The following NEK11 variants were observed in gnomAD, a reference collection of about 807,000 sequenced individuals.
The protein encoded by NEK11 is serine/threonine-protein kinase Nek11.
Under a neutral mutation model 80.7 loss-of-function variants are expected in NEK11, and 72 were observed. That is an observed-to-expected ratio of 0.89 (90% CI 0.74 to 1.08). The LOEUF (loss-of-function observed/expected upper bound fraction) is 1.08, where lower values mean the gene tolerates loss of function less well. Ranked by LOEUF, NEK11 falls within the 50% of genes least tolerant of loss-of-function variation. NEK11 has a pLI of 0.00. For synonymous variants in NEK11, 251 were observed against 260.7 expected (o/e 0.96, Z 0.36); for missense variants, 764 against 763.6 (o/e 1.00, Z -0.01).
chr3:131,312,784 G>T (rs1470245005), intron 17 of NEK11, among the ~76,000 whole-genome samples: 2 of 151,984 alleles, frequency 1.3e-5, no homozygotes, highest in Non-Finnish European at 2.9e-5. Flanking sequence ...CAAATAGGAA[G>T]GCTAAAAATT....
intron 4 of NEK11, chr3:131,088,263 T>C (rs2076275652): frequency 6.6e-6 from 1 of 152,214 alleles, no homozygotes; most frequent in Non-Finnish European, 1.5e-5. Context: ...ACTGATCCAT[T>C]TGTGATTTTT....
At chr3:131,033,774 T>TTAAAA (rs2065226087) in intron 3 of NEK11, among the ~76,000 whole-genome samples, 1 of 152,208 alleles carries the variant, frequency 6.6e-6, no homozygotes, top group East Asian at 1.9e-4. Flanking sequence ...AGCTGTGAGA[T>TTAAAA]TAAAATAAAA....
intron 16 of NEK11, among the ~76,000 whole-genome samples, chr3:131,262,682 A>G (rs1315487110): frequency 1.3e-5 from 2 of 152,204 alleles, no homozygotes; most frequent in Non-Finnish European, 2.9e-5. Context: ...TTTGTATTAT[A>G]CTTTAAGATC....
At chr3:131,334,129 C>T (rs1237513752) in intron 17 of NEK11, among the ~76,000 whole-genome samples, 1 of 152,234 alleles carries the variant, frequency 6.6e-6, no homozygotes, top group African/African-American at 2.4e-5. Context: ...TAATAGACAT[C>T]TACAGAACTC....
At chr3:131,047,734 C>A (rs1490697953) in intron 3 of NEK11, among the ~76,000 whole-genome samples, 1 of 152,118 alleles carries the variant, frequency 6.6e-6, no homozygotes, top group Non-Finnish European at 1.5e-5. Flanking sequence ...GTTTATTGTA[C>A]TAGTTTTGTG....
intron 7 of NEK11, among the ~76,000 whole-genome samples, chr3:131,149,918 G>A (rs2089287181): frequency 6.6e-6 from 1 of 151,510 alleles, no homozygotes; most frequent in South Asian, 2.1e-4. Flanking sequence ...TTCTCAAATT[G>A]ACTTATACGG....
At chr3:131,349,424 G>T (rs1023177814) in intron 17 of NEK11, 133 bp from the exon 18 acceptor site, 2 of 678,242 alleles carry the variant, frequency 2.9e-6, no homozygotes, top group African/African-American at 3.6e-5. Context: ...TGGAGATATT[G>T]TGCCTTTTCT....
chr3:131,255,062 CA>C, intron 16 of NEK11, among the ~76,000 whole-genome samples: 1 of 135,200 alleles, frequency 7.4e-6, no homozygotes, highest in Non-Finnish European at 1.6e-5. Flanking sequence ...GACAGACAGA[CA>C]GACAGACAGA....
chr3:131,239,581 AG>A lies in NEK11; in HGVS notation c.1561-3854del, dbSNP rs1201502025. Among the ~76,000 whole-genome samples the A allele has an allele frequency of 2.0e-5, 3 of 152,166 alleles. No individual in the cohort carries two copies. In the East Asian group the frequency reaches 5.8e-4, roughly 29 times the overall value. On this transcript the variant is annotated intron_variant, in intron 15 of 17. Coordinates refer to ENST00000383366, the MANE Select transcript of NEK11 (RefSeq NM_024800.5). ...TGTTGATATGTGCCAAGCCTTCTCT[AG>A]ATATGCCTTCGGGAGTCAGTATAGC... is the stretch of plus-strand genomic sequence containing the variant.
intron 5 of NEK11, among the ~76,000 whole-genome samples, chr3:131,121,348 G>A (rs1239126399): frequency 1.3e-5 from 2 of 152,220 alleles, no homozygotes; most frequent in Non-Finnish European, 2.9e-5. Context: ...TCCTCTGGAA[G>A]CTTGGTCTCA....
intron 15 of NEK11, among the ~76,000 whole-genome samples, chr3:131,233,058 G>A (rs1446091979): frequency 1.3e-5 from 2 of 151,804 alleles, no homozygotes; most frequent in African/African-American, 4.8e-5. Flanking sequence ...ACCTCAGGCT[G>A]CAGTGCAATT....
chr3:131,179,934 T>A (rs1221423916), intron 14 of NEK11, among the ~76,000 whole-genome samples: 1 of 152,216 alleles, frequency 6.6e-6, no homozygotes, highest in African/African-American at 2.4e-5. Context: ...CACTTGCTGC[T>A]GTAACAAATA....
chr3:131,201,762 A>G (rs375446958), intron 14 of NEK11, among the ~76,000 whole-genome samples: 17 of 151,946 alleles, frequency 1.1e-4, no homozygotes, highest in East Asian at 9.7e-4. Context: ...CTGTATAACT[A>G]CTCCAGACCA....
At chr3:131,152,047 A>C (rs1395677704) in intron 7 of NEK11, among the ~76,000 whole-genome samples, 2 of 152,218 alleles carry the variant, frequency 1.3e-5, no homozygotes, top group African/African-American at 4.8e-5. Flanking sequence ...GCTGCATTTT[A>C]TGTATTAAAA....
intron 3 of NEK11, among the ~76,000 whole-genome samples, chr3:131,060,372 G>C (rs535742803): frequency 1.3e-5 from 2 of 152,272 alleles, no homozygotes; most frequent in East Asian, 3.9e-4. Context: ...GGCTCTGGTT[G>C]CTTTTTTCAT....
intron 14 of NEK11, among the ~76,000 whole-genome samples, chr3:131,223,175 G>T (rs937395166): frequency 3.3e-5 from 5 of 152,138 alleles, no homozygotes; most frequent in Non-Finnish European, 7.3e-5. Flanking sequence ...AGCTAAGAAG[G>T]CTTCAAGTTG....
At chr3:131,101,629 A>G (rs150003259) in intron 4 of NEK11, among the ~76,000 whole-genome samples, 2,152 of 152,256 alleles carry the variant, frequency 0.014, 21 homozygotes, top group Non-Finnish European at 0.02. Context: ...ATTTATTGAG[A>G]CTTGCTTTAT....
intron 14 of NEK11, among the ~76,000 whole-genome samples, chr3:131,177,101 A>G (rs757439918): frequency 2.0e-4 from 30 of 152,186 alleles, no homozygotes; most frequent in Non-Finnish European, 5.9e-5. Flanking sequence ...CCTTTAGTTG[A>G]TGAATTTATT....
rs376071276 is a variant in NEK11, at chr3:131,296,461, CT to C, written c.1718+22889del. Among the ~76,000 whole-genome samples, 36 of 151,992 alleles carry C rather than the reference CT, an allele frequency of 2.4e-4. No homozygotes were observed. The East Asian group carries it at 6.6e-3, about 28-fold the overall frequency. On this transcript the variant is annotated intron_variant, in intron 17 of 17. Transcript: ENST00000383366. ...TGAGTTTCTGACCTATGTTATTTTC[CT>C]TCATTTAACATTTCTTGCAAGGCAG...
Sources: allele counts gnomAD v4.1 joint callset (sites outside exome capture counted in the v4.1 genomes callset), GRCh38; gene constraint gnomAD v4.1.1; transcripts MANE v1.5; gene names NCBI Gene and HGNC (gene_info 2026-07-23, HGNC 2026-07-21).